TCF7L2: variants seen among roughly 807,000 people sequenced by gnomAD.
TCF7L2 encodes the protein transcription factor 7 like 2, also known as transcription factor 7-like 2.
In TCF7L2, 23 loss-of-function variants were observed where a neutral mutation model predicts 77.9. The observed-to-expected ratio is 0.30, with a 90% CI of 0.21 to 0.42. The LOEUF is 0.42. Ranked by LOEUF, TCF7L2 falls within the 10% of genes least tolerant of loss-of-function variation. The pLI, the probability that TCF7L2 is intolerant of heterozygous loss-of-function variation, is 1.00. For synonymous variants in TCF7L2, 413 were observed against 340.2 expected (o/e 1.21, Z -2.36); for missense variants, 654 against 793.1 (o/e 0.82, Z 2.11).
intron 4 of TCF7L2, among the ~76,000 whole-genome samples, chr10:112,989,825 G>A (rs112516596): frequency 0.015 from 2,243 of 152,228 alleles, 63 homozygotes; most frequent in African/African-American, 0.051. Flanking sequence ...GTTTCAGGGG[G>A]TTCTGGCTCA....
intron 12 of TCF7L2, 138 bp downstream of exon 12, chr10:113,158,207 G>C: frequency 1.2e-6 from 1 of 834,408 alleles, no homozygotes; most frequent in Non-Finnish European, 1.9e-6. Context: ...TAGCCTTTTT[G>C]TTTATGCATT....
At chr10:113,081,586 G>C (rs2059321783) in intron 5 of TCF7L2, among the ~76,000 whole-genome samples, 2 of 152,176 alleles carry the variant, frequency 1.3e-5, no homozygotes, top group Admixed American at 6.5e-5. Flanking sequence ...CTATTGACTT[G>C]TCTGGAAAGA....
At position 113,106,425 on chromosome 10, in the gene TCF7L2, A is replaced by G. The variant is rs951094149; in HGVS notation, c.553-34759A>G. Among the ~76,000 whole-genome samples the G allele has an allele frequency of 2.6e-5, 4 of 152,142 alleles. No homozygotes were observed. In the East Asian group the frequency reaches 5.8e-4, roughly 22 times the overall value. ...CTCGGCCACCTCCGATTCAAGGGAG[A>G]GTTTAATTTTGTGAACCATTCCTGT... On this transcript the variant is annotated intron_variant, in intron 5 of 13. Coordinates refer to ENST00000627217, the MANE Select transcript of TCF7L2 (RefSeq NM_001146274.2).
chr10:113,070,876 T>C (rs905749325), intron 5 of TCF7L2, among the ~76,000 whole-genome samples: 1 of 152,116 alleles, frequency 6.6e-6, no homozygotes, highest in Non-Finnish European at 1.5e-5. Context: ...ATCGTCACAG[T>C]CAATTTTAGA....
chr10:113,010,120 A>G (rs928953933), intron 4 of TCF7L2, among the ~76,000 whole-genome samples: 7 of 152,146 alleles, frequency 4.6e-5, no homozygotes, highest in Admixed American at 4.6e-4. Flanking sequence ...GCAATGTCCT[A>G]TAGAAGCTTG....
chr10:113,113,810 A>AGAGG (rs1316708674), intron 5 of TCF7L2, among the ~76,000 whole-genome samples: 3 of 152,056 alleles, frequency 2.0e-5, no homozygotes, highest in African/African-American at 7.2e-5. Context: ...TTTTTAAGAG[A>AGAGG]GAGGGGAATA....
chr10:113,075,509 C>T (rs1377141839), intron 5 of TCF7L2, among the ~76,000 whole-genome samples: 2 of 151,584 alleles, frequency 1.3e-5, no homozygotes, highest in East Asian at 3.9e-4. Flanking sequence ...TGAATGGCAA[C>T]CCAATTTGCA....
chr10:112,957,645 C>T (rs1015408748), intron 3 of TCF7L2, among the ~76,000 whole-genome samples: 14 of 151,892 alleles, frequency 9.2e-5, no homozygotes, highest in African/African-American at 3.4e-4. Flanking sequence ...GTGGGAGTAC[C>T]CTGGGCTGGG....
chr10:113,077,914 T>A (rs2058893325), intron 5 of TCF7L2, among the ~76,000 whole-genome samples: 1 of 149,936 alleles, frequency 6.7e-6, no homozygotes, highest in African/African-American at 2.5e-5. Flanking sequence ...TATTGTATTT[T>A]TAGTAGAGAT....
chr10:112,961,025 A>AT (rs1400289143), intron 3 of TCF7L2, among the ~76,000 whole-genome samples: 94 of 147,012 alleles, frequency 6.4e-4, no homozygotes, highest in African/African-American at 2.4e-3. Context: ...TTTTATTATT[A>AT]TTTTTTGAGA....
At chr10:112,982,728 A>G (rs1322934523) in intron 4 of TCF7L2, among the ~76,000 whole-genome samples, 1 of 152,044 alleles carries the variant, frequency 6.6e-6, no homozygotes, top group African/African-American at 2.4e-5. Flanking sequence ...GGATTCAAAC[A>G]ATTCTCCTGC....
chr10:113,140,266 G>C (rs569429717), intron 5 of TCF7L2, among the ~76,000 whole-genome samples: 1 of 152,052 alleles, frequency 6.6e-6, no homozygotes, highest in African/African-American at 2.4e-5. Flanking sequence ...AGCGGGAGGT[G>C]GGGGAAAGAG....
intron 5 of TCF7L2, among the ~76,000 whole-genome samples, chr10:113,043,874 C>T (rs555429343): frequency 7.2e-5 from 11 of 152,106 alleles, no homozygotes; most frequent in East Asian, 1.9e-4. Context: ...GGTTAGGAGC[C>T]GCTCCCTGGA....
chr10:113,147,606 A>AG (rs1239431605), intron 8 of TCF7L2, among the ~76,000 whole-genome samples: 1 of 152,208 alleles, frequency 6.6e-6, no homozygotes, highest in Non-Finnish European at 1.5e-5. Flanking sequence ...GGGAATGAGT[A>AG]GGGGGTCTCC....
At chr10:112,983,899 C>T (rs2040980764) in intron 4 of TCF7L2, among the ~76,000 whole-genome samples, 1 of 152,212 alleles carries the variant, frequency 6.6e-6, no homozygotes, top group African/African-American at 2.4e-5. Flanking sequence ...CCTGTTCACA[C>T]ATAAACTTAG....
At chr10:113,060,817 C>T in intron 5 of TCF7L2, among the ~76,000 whole-genome samples, 1 of 152,046 alleles carries the variant, frequency 6.6e-6, no homozygotes, top group East Asian at 1.9e-4. Flanking sequence ...AGACGCCGCC[C>T]AGAATGGCTG....
At chr10:113,054,819 A>G (rs1035272823) in intron 5 of TCF7L2, among the ~76,000 whole-genome samples, 6 of 152,138 alleles carry the variant, frequency 3.9e-5, no homozygotes, top group African/African-American at 1.4e-4. Flanking sequence ...CACATTCCAC[A>G]TAACATTCTG....
intron 5 of TCF7L2, among the ~76,000 whole-genome samples, chr10:113,081,305 A>G (rs1278258524): frequency 1.3e-5 from 2 of 152,190 alleles, no homozygotes; most frequent in Non-Finnish European, 2.9e-5. Context: ...CACAACACGC[A>G]CCAATACTAC....
chr10:113,039,372 A>G lies in TCF7L2; in HGVS notation c.451-653A>G, dbSNP rs116696012. ...TTTTATCTCTATGGTAAACCTGTGC[A>G]TACTAAAGCATTCCTCTGGTCTTTT... On this transcript the variant is annotated intron_variant, in intron 4 of 13. Transcript: ENST00000627217. Among the ~76,000 whole-genome samples the G allele has an allele frequency of 3.0e-3, 458 of 152,316 alleles. 2 individuals are homozygous for G. The highest frequency in any genetic ancestry group is 0.01 in the African/African-American group (427 of 41,564).
Sources: allele counts gnomAD v4.1 joint callset (sites outside exome capture counted in the v4.1 genomes callset), GRCh38; gene constraint gnomAD v4.1.1; transcripts MANE v1.5; gene names NCBI Gene and HGNC (gene_info 2026-07-23, HGNC 2026-07-21).